The following DNAAF1 variants were observed in gnomAD, a reference collection of about 807,000 sequenced individuals.
DNAAF1 encodes dynein assembly factor 1, axonemal.
A neutral mutation model predicts 71.1 loss-of-function variants in DNAAF1; 65 were observed. That is an observed-to-expected ratio of 0.91 (90% confidence interval 0.75 to 1.12). The LOEUF (loss-of-function observed/expected upper bound fraction) is 1.12, where lower values mean the gene tolerates loss of function less well. Ranked by LOEUF, DNAAF1 falls within the 50% of genes most tolerant of loss-of-function variation. DNAAF1 has a pLI of 0.00. For synonymous variants in DNAAF1, 414 were observed against 354.6 expected (o/e 1.17, Z -1.88); for missense variants, 1,178 against 899.8 (o/e 1.31, Z -3.96).
intron 2 of DNAAF1, 113 bp downstream of exon 2, chr16:84,149,255 A>C (rs896605547): frequency 7.5e-7 from 1 of 1,341,468 alleles, no homozygotes; most frequent in Non-Finnish European, 1.1e-6. Flanking sequence ...TTGCCTGCCC[A>C]ATGTCTGAGA....
intron 10 of DNAAF1, 103 bp from the exon 11 acceptor site, chr16:84,175,830 T>C: frequency 2.1e-6 from 3 of 1,438,538 alleles, no homozygotes; most frequent in Non-Finnish European, 1.9e-6. Flanking sequence ...GGCAACAGAA[T>C]ACTTTGTGAC....
At chr16:84,174,268 C>T in intron 9 of DNAAF1, 1 of 1,074,486 alleles carries the variant, frequency 9.3e-7, no homozygotes, top group Non-Finnish European at 1.1e-6. Context: ...AAAAGTCCTA[C>T]AAGTTTTGGG....
intron 4 of DNAAF1, 57 bp downstream of exon 4, chr16:84,154,855 G>A (rs989729271): frequency 1.4e-6 from 2 of 1,386,352 alleles, no homozygotes; most frequent in African/African-American, 1.4e-5. Context: ...ACCTTCCCCT[G>A]AGGGATGTTC....
In DNAAF1 at chr16:84,176,308, G is replaced by A. The variant is rs200690810; in HGVS notation, c.2065+9G>A. 3.3e-5 allele frequency: 53 copies of A among 1,613,048 alleles called. No homozygotes were observed. The highest frequency in any genetic ancestry group is 3.1e-4 in the African/African-American group (23 of 75,052). ...TGCAGCCTCTTCTCCGGGTAAGAGC[G>A]TGGGGCCGAGAGCACAGTGGAGACA... On this transcript the variant is annotated intron_variant, in intron 11 of 11. Transcript: ENST00000378553.
chr16:84,150,467 T>C (rs1013324875), intron 3 of DNAAF1, 125 bp downstream of exon 3: 8 of 780,794 alleles, frequency 1.0e-5, no homozygotes, highest in African/African-American at 3.5e-5. Flanking sequence ...TTTCAAAGTT[T>C]AGTGGAGATT....
At chr16:84,160,894 G>A (rs1161058991) in intron 6 of DNAAF1, among the ~76,000 whole-genome samples, 6 of 149,550 alleles carry the variant, frequency 4.0e-5, no homozygotes, top group East Asian at 2.0e-4. Flanking sequence ...CTGAGATCGC[G>A]CCACTGCACT....
chr16:84,172,328 G>A lies in DNAAF1; in HGVS notation c.1597G>A (p.Asp533Asn), dbSNP rs887430173. 6.2e-7 allele frequency: 1 copy of A among 1,614,258 alleles called. No individual in the cohort carries two copies. Among genetic ancestry groups the A allele is most frequent in the Non-Finnish European group, 8.5e-7 (1 of 1,180,048 alleles). ...VTELDGTRTE[D>N]LETIRLETKE... The stretch of plus-strand genomic sequence containing the variant: ...AGAACTTGATGGAACGAGAACGGAA[G>A]ATTTAGAAACCATTAGACTGGAGAC... The change falls in exon 9 of 12, where the codon GAT (aspartate) becomes AAT (asparagine). Residue 533 changes from aspartate to asparagine, a missense_variant. Coordinates refer to ENST00000378553, the MANE Select transcript of DNAAF1 (RefSeq NM_178452.6).
At chr16:84,162,363 G>A (rs961748791) in intron 6 of DNAAF1, 1 of 152,136 alleles carries the variant, frequency 6.6e-6, no homozygotes, top group East Asian at 1.9e-4. Flanking sequence ...AGCACTTTGG[G>A]AGGCTGAGGT....
At position 84,177,746 on chromosome 16, in the gene DNAAF1, G is replaced by A. The variant is rs775618173; in HGVS notation, c.2083G>A (p.Ala695Thr). The A allele has an allele frequency of 1.2e-5, 20 of 1,613,710 alleles. No individual in the cohort carries two copies. The highest frequency in any genetic ancestry group is 1.7e-5 in the Admixed American group (1 of 59,982). Residue 695 changes from alanine (A) to threonine (T), a missense_variant, in exon 12 of 12, where the codon GCC (alanine) becomes ACC (threonine). Coordinates refer to ENST00000378553, the MANE Select transcript of DNAAF1 (RefSeq NM_178452.6). ...TTCCACAGTGCCGACTGAGAGCGCC[G>A]CCACACCCCCAGAGACGTGTGTCGG... ...ASSPVPTESA[A>T]TPPETCVGVA...
At chr16:84,174,938 C>T (rs1224795550) in intron 10 of DNAAF1, 4 of 541,790 alleles carry the variant, frequency 7.4e-6, no homozygotes, top group Admixed American at 2.7e-5. Context: ...TCACTGCAAC[C>T]TCCACCTCCT....
chr16:84,147,326 G>A (rs1344460389), intron 1 of DNAAF1, among the ~76,000 whole-genome samples: 1 of 152,172 alleles, frequency 6.6e-6, no homozygotes, highest in Non-Finnish European at 1.5e-5. Flanking sequence ...CACACGCACA[G>A]CCTTTAGTCT....
At chr16:84,153,394 A>G (rs1257711430) in intron 3 of DNAAF1, among the ~76,000 whole-genome samples, 1 of 152,244 alleles carries the variant, frequency 6.6e-6, no homozygotes, top group Non-Finnish European at 1.5e-5. Flanking sequence ...ATCAACTTAA[A>G]ATAAAACTTG....
chr16:84,150,608 T>G (rs1567535906), intron 3 of DNAAF1, among the ~76,000 whole-genome samples: 1 of 148,730 alleles, frequency 6.7e-6, no homozygotes, highest in African/African-American at 2.5e-5. Flanking sequence ...TTTTTTTTTC[T>G]TTTCTTTCTT....
rs537013316 is a variant in DNAAF1, at chr16:84,174,231, C to T, written c.1645-438C>T. 5.7e-6 allele frequency: 6 copies of T among 1,049,138 alleles called. No homozygotes were observed. In the South Asian group the frequency reaches 1.3e-4, roughly 23 times the overall value. 65.0% of individuals were successfully genotyped at this position (1,049,138 alleles called of 1,614,324 possible). A position where few individuals can be genotyped will look rare whatever the true frequency, so the allele number is the denominator to read the frequency against. On this transcript the variant is annotated intron_variant, in intron 9 of 11. Coordinates refer to ENST00000378553, the MANE Select transcript of DNAAF1 (RefSeq NM_178452.6). ...CACTGGTTGTTATGGACAAAGATACCGAACAAACACCCACAATACAAAACA... is the reference window on the plus strand; with the variant it reads ...CACTGGTTGTTATGGACAAAGATACTGAACAAACACCCACAATACAAAACA...
chr16:84,168,511 C>G (rs1262568809), intron 7 of DNAAF1, among the ~76,000 whole-genome samples: 2 of 152,164 alleles, frequency 1.3e-5, no homozygotes, highest in Non-Finnish European at 2.9e-5. Flanking sequence ...CTCCTGGCCT[C>G]AAGCAGTCCT....
At chr16:84,166,374 T>TC (rs2087996992) in intron 7 of DNAAF1, among the ~76,000 whole-genome samples, 2 of 116,114 alleles carry the variant, frequency 1.7e-5, no homozygotes, top group Non-Finnish European at 3.8e-5. Flanking sequence ...TTTTTTCTTT[T>TC]TTTTTTTTTT....
Position 84,169,994 on chromosome 16 carries a change from T to C in DNAAF1, c.1166T>C (p.Leu389Pro). The change falls in exon 8 of 12, where the codon CTC becomes CCC. Residue 389 changes from leucine (L) to proline (P), a missense_variant. Physicochemically the swap from Leu to Pro is moderately conservative, Grantham distance 98 (BLOSUM62 -3). Transcript: ENST00000378553. ...GAAAGCTTTGAGGCCAAGGACGAGC[T>C]CTGCCCGGAAAAGCCAAGTGGAGAG... is the stretch of plus-strand genomic sequence containing the variant. ...VKESFEAKDELCPEKPSGEEP... is the reference protein window; with the variant it reads ...VKESFEAKDEPCPEKPSGEEP... 1.2e-6 allele frequency: 2 copies of C among 1,613,966 alleles called. No homozygotes were observed. Among genetic ancestry groups the C allele is most frequent in the Non-Finnish European group, 1.7e-6 (2 of 1,180,034 alleles).
At chr16:84,161,149 G>A (rs1289374000) in intron 6 of DNAAF1, among the ~76,000 whole-genome samples, 1 of 152,160 alleles carries the variant, frequency 6.6e-6, no homozygotes, top group Non-Finnish European at 1.5e-5. Context: ...TTCCTCATCT[G>A]CAGCGTGGGG....
At chr16:84,159,159 G>C (rs2087582807) in intron 5 of DNAAF1, 1 of 996,560 alleles carries the variant, frequency 1.0e-6, no homozygotes. Flanking sequence ...TGACAGCGGG[G>C]AGAGCTGTAA....
Sources: allele counts gnomAD v4.1 joint callset (sites outside exome capture counted in the v4.1 genomes callset), GRCh38; gene constraint gnomAD v4.1.1; transcripts MANE v1.5; gene names NCBI Gene and HGNC (gene_info 2026-07-23, HGNC 2026-07-21).